The following DNTT variants were observed in gnomAD, a reference collection of about 807,000 sequenced individuals.
DNTT encodes DNA nucleotidylexotransferase, also known as nucleosidetriphosphate:DNA deoxynucleotidylexotransferase.
Under a neutral mutation model 60.9 loss-of-function variants are expected in DNTT, and 47 were observed. The observed-to-expected ratio is 0.77, with a 90% confidence interval of 0.61 to 0.98. The LOEUF (loss-of-function observed/expected upper bound fraction) is 0.98. Among genes scored for constraint, DNTT ranks in the 50% least tolerant of loss-of-function variants. DNTT has a pLI of 0.00. For synonymous variants in DNTT, 224 were observed against 221.2 expected, an observed-to-expected ratio of 1.01 and a Z score of -0.11; for missense variants, 665 against 627.5, an observed-to-expected ratio of 1.06 and a Z score of -0.64.
intron 6 of DNTT, among the ~76,000 whole-genome samples, chr10:96,326,211 C>T (rs1844937619): frequency 6.6e-6 from 1 of 152,088 alleles, no homozygotes; most frequent in Admixed American, 6.5e-5. Flanking sequence ...GAATATTAGT[C>T]ATGATGACAG....
At chr10:96,318,677 C>T (rs1844822383) in intron 2 of DNTT, 151 bp downstream of exon 2, 1 of 883,922 alleles carries the variant, frequency 1.1e-6, no homozygotes, top group Middle Eastern at 2.4e-4. Context: ...GCTTCAGTCT[C>T]TTCCTTTATA....
At position 96,313,140 on chromosome 10, in the gene DNTT, C is replaced by T. The variant is rs541094983; in HGVS notation, c.204-5212C>T. Among the ~76,000 whole-genome samples, 8 of 152,298 alleles carry T rather than the reference C, an allele frequency of 5.3e-5. No homozygotes were observed. The South Asian group carries it at 1.7e-3, about 32-fold the overall frequency. On this transcript the variant is annotated intron_variant, in intron 1 of 10. Coordinates refer to ENST00000371174, the MANE Select transcript of DNTT (RefSeq NM_004088.4). ...TTGCTATAATTTGTTCAAGACCTCC[C>T]AAACTTAGTCCAAAGCACTAACAAT... is the stretch of plus-strand genomic sequence containing the variant.
intron 1 of DNTT, among the ~76,000 whole-genome samples, chr10:96,305,358 T>C (rs1294281135): frequency 6.6e-6 from 1 of 152,170 alleles, no homozygotes; most frequent in Admixed American, 6.5e-5. Context: ...GATAGAAGCA[T>C]TTGGACCACC....
rs1335976649 is a variant in DNTT at position 96,320,738 on chromosome 10, G to A, written c.628G>A (p.Asp210Asn). Residue 210 changes from aspartate (D) to asparagine (N), a missense_variant, in exon 4 of 11, where the codon GAC (aspartate) becomes AAC (asparagine). Transcript: ENST00000371174. Reference protein sequence around the residue: ...SLPFTIISMKDTEGIPCLGSK... With the variant: ...SLPFTIISMKNTEGIPCLGSK... ...GCCATTCACAATCATCAGTATGAAG[G>A]ACACAGAAGGAATTCCCTGCCTGGG... 3.7e-6 allele frequency: 6 copies of A among 1,613,874 alleles called. No homozygotes were observed. The highest frequency in any genetic ancestry group is 5.1e-6 in the Non-Finnish European group (6 of 1,179,808).
chr10:96,336,177 G>C (rs961660342), intron 10 of DNTT, among the ~76,000 whole-genome samples: 1 of 152,228 alleles, frequency 6.6e-6, no homozygotes, highest in Non-Finnish European at 1.5e-5. Flanking sequence ...CAATTCGAGA[G>C]ATTTTGGCTG....
rs1201985080 is a variant in DNTT at position 96,318,913 on chromosome 10, A to G, written c.379-349A>G. Among the ~76,000 whole-genome samples the G allele has an allele frequency of 2.0e-5, 3 of 152,036 alleles. No individual in the cohort carries two copies. The East Asian group carries it at 5.8e-4, about 29-fold the overall frequency. On this transcript the variant is annotated intron_variant, in intron 2 of 10. Transcript: ENST00000371174. ...TTTTTCTCTCACTGTGATCATTCAG[A>G]AAACAAAACAAAACAAAACAAACAA...
intron 1 of DNTT, among the ~76,000 whole-genome samples, chr10:96,309,782 TGA>T (rs1844687780): frequency 6.6e-6 from 1 of 152,230 alleles, no homozygotes; most frequent in South Asian, 2.1e-4. Flanking sequence ...AATGCCTGCC[TGA>T]GAAAGTTCAT....
chr10:96,305,613 C>A (rs981194713), intron 1 of DNTT, among the ~76,000 whole-genome samples: 1 of 152,110 alleles, frequency 6.6e-6, no homozygotes. Context: ...ATAAATTGAC[C>A]ACAAATTTTC....
At chr10:96,320,278 A>T (rs1290417486) in intron 3 of DNTT, among the ~76,000 whole-genome samples, 1 of 152,258 alleles carries the variant, frequency 6.6e-6, no homozygotes, top group East Asian at 1.9e-4. Flanking sequence ...TTCTAGCCAC[A>T]GGCTAGTGGG....
chr10:96,310,284 C>G (rs908621465), intron 1 of DNTT, among the ~76,000 whole-genome samples: 1 of 152,150 alleles, frequency 6.6e-6, no homozygotes, highest in African/African-American at 2.4e-5. Flanking sequence ...TAGTGTCCAG[C>G]TTTGTTAATC....
At position 96,327,600 on chromosome 10, in the gene DNTT, G is replaced by A. The variant is rs765032987; in HGVS notation, c.1007G>A (p.Arg336Lys). ...GTCACCATGACAGGAGGGTTCCGGA[G>A]GTAAATAACTTGGGTGGCTTTGCCT... is the stretch of plus-strand genomic sequence containing the variant. ...AFVTMTGGFRRGKKMGHDVDF... is the reference protein window; with the variant it reads ...AFVTMTGGFRKGKKMGHDVDF... The change falls in exon 7 of 11, where the codon AGG (arginine) becomes AAG (lysine). Residue 336 changes from arginine (R) to lysine (K), a missense_variant and splice_region_variant. Transcript: ENST00000371174. 1.2e-6 allele frequency: 2 copies of A among 1,612,054 alleles called. No homozygotes were observed. Among genetic ancestry groups the A allele is most frequent in the Non-Finnish European group, 1.7e-6 (2 of 1,179,166 alleles).
chr10:96,316,635 C>T (rs751314018), intron 1 of DNTT, among the ~76,000 whole-genome samples: 24 of 152,200 alleles, frequency 1.6e-4, no homozygotes, highest in Non-Finnish European at 2.8e-4. Context: ...CCTTCTGGCC[C>T]CTGACCCTTT....
chr10:96,321,030 A>C (rs1304854365), intron 4 of DNTT, among the ~76,000 whole-genome samples: 1 of 152,142 alleles, frequency 6.6e-6, no homozygotes, highest in African/African-American at 2.4e-5. Flanking sequence ...GGTTGTGAAT[A>C]TCCTAGTCAC....
Position 96,332,449 on chromosome 10 carries a change from T to A in DNTT, c.1212T>A (p.Phe404Leu). The A allele has an allele frequency of 6.2e-7, 1 of 1,614,198 alleles. No homozygotes were observed. The highest frequency in any genetic ancestry group is 1.1e-5 in the South Asian group (1 of 91,078). Residue 404 changes from phenylalanine to leucine, a missense_variant, in exon 9 of 11, where the codon TTT becomes TTA. Phe to Leu is a conservative substitution (Grantham distance 22). Coordinates refer to ENST00000371174, the MANE Select transcript of DNTT (RefSeq NM_004088.4). ...VDALDHFQKC[F>L]LIFKLPRQRV... ...CTTTGGATCATTTTCAAAAGTGCTT[T>A]CTGATTTTCAAATTGCCTCGTCAAA...
intron 1 of DNTT, among the ~76,000 whole-genome samples, chr10:96,312,077 C>T (rs1216443133): frequency 6.6e-6 from 1 of 152,166 alleles, no homozygotes; most frequent in Non-Finnish European, 1.5e-5. Context: ...ACACATAAGC[C>T]TTTTAAATGT....
intron 1 of DNTT, among the ~76,000 whole-genome samples, chr10:96,311,527 GTGAGTT>G (rs1476225581): frequency 6.6e-6 from 1 of 152,240 alleles, no homozygotes; most frequent in African/African-American, 2.4e-5. Flanking sequence ...ACTGAAGTCT[GTGAGTT>G]AATTCCATAA....
At chr10:96,330,889 T>G (rs141103114) in intron 8 of DNTT, among the ~76,000 whole-genome samples, 1 of 152,136 alleles carries the variant, frequency 6.6e-6, no homozygotes. Flanking sequence ...CTTTTAAACA[T>G]CTAACCTAAA....
At chr10:96,319,649 A>G (rs558428652) in intron 3 of DNTT, among the ~76,000 whole-genome samples, 10 of 152,364 alleles carry the variant, frequency 6.6e-5, no homozygotes, top group African/African-American at 2.4e-4. Context: ...GATAGTTGTC[A>G]TTAATGGGCG....
chr10:96,333,039 G>A (rs1275883825), intron 9 of DNTT, among the ~76,000 whole-genome samples: 2 of 152,176 alleles, frequency 1.3e-5, no homozygotes, highest in Admixed American at 1.3e-4. Context: ...GCAACTCACA[G>A]ATTGGGAAAA....
Sources: gnomAD v4.1 joint callset for allele counts (sites outside exome capture counted in the v4.1 genomes callset) on GRCh38, gnomAD v4.1.1 for gene constraint, MANE v1.5 for transcripts, NCBI Gene and HGNC (gene_info 2026-07-23, HGNC 2026-07-21) for gene names.